TXNRD1: variants seen among roughly 807,000 people sequenced by gnomAD.
The protein encoded by TXNRD1 is thioredoxin reductase 1, also known as thioredoxin reductase 1, cytoplasmic.
In TXNRD1, 57 loss-of-function variants were observed where a neutral mutation model predicts 80.3. The ratio of observed to expected loss-of-function variants is 0.71; its 90% confidence interval spans 0.57 to 0.89. The LOEUF (loss-of-function observed/expected upper bound fraction) is 0.89, where lower values mean the gene tolerates loss of function less well. Among genes scored for constraint, TXNRD1 ranks in the 40% least tolerant of loss-of-function variants. The pLI, the probability that TXNRD1 is intolerant of heterozygous loss-of-function variation, is 0.00. For missense variants in TXNRD1, 730 were observed against 803.0 expected (o/e 0.91, Z 1.10); for synonymous variants, 291 against 285.2 (o/e 1.02, Z -0.20).
chr12:104,231,050 A>G (rs1028165367), intron 1 of TXNRD1, among the ~76,000 whole-genome samples: 4 of 152,158 alleles, frequency 2.6e-5, no homozygotes, highest in Admixed American at 6.5e-5. Context: ...TTGCATTTTC[A>G]TATCAAAGGT....
At chr12:104,313,410 C>G in intron 6 of TXNRD1, 93 bp downstream of exon 6, 2 of 972,398 alleles carry the variant, frequency 2.1e-6, no homozygotes, top group South Asian at 1.7e-5. Context: ...TTAAAAAAAT[C>G]AAAAACTAAG....
intron 11 of TXNRD1, 106 bp from the exon 12 acceptor site, chr12:104,326,241 T>A (rs2035757661): frequency 8.1e-6 from 6 of 740,240 alleles, no homozygotes; most frequent in African/African-American, 1.8e-5. Context: ...ATTTCCAAGT[T>A]TGAAAAATGA....
rs1385874925 is a variant in TXNRD1, at chr12:104,215,789, G to A, written c.-14G>A. ...TCCTTCGGCTCCGTCAGTTCCCACA[G>A]GGCCTTGTGCGACATGGGCTGCGCC... On this transcript the variant is annotated 5_prime_UTR_variant, in exon 1 of 17. Coordinates refer to ENST00000525566, the MANE Select transcript of TXNRD1 (RefSeq NM_001093771.3). 1 of 1,552,434 alleles carries A rather than the reference G, an allele frequency of 6.4e-7. No individual in the cohort carries two copies.
At chr12:104,306,143 A>G (rs2034907003) in intron 4 of TXNRD1, among the ~76,000 whole-genome samples, 2 of 152,120 alleles carry the variant, frequency 1.3e-5, no homozygotes, top group South Asian at 4.1e-4. Context: ...GCCCCAAGTG[A>G]TCCACCCGCC....
At chr12:104,337,381 G>A (rs1299617224) in intron 15 of TXNRD1, among the ~76,000 whole-genome samples, 2 of 151,980 alleles carry the variant, frequency 1.3e-5, no homozygotes, top group Admixed American at 6.6e-5. Flanking sequence ...CTGTTATGAC[G>A]AGATTGCACT....
intron 3 of TXNRD1, chr12:104,286,603 A>T (rs1456943854): frequency 8.6e-4 from 417 of 485,252 alleles, no homozygotes; most frequent in African/African-American, 8.2e-3. Flanking sequence ...TTTTTTTTTT[A>T]AACGCAGAGG....
At chr12:104,217,387 C>T (rs2032240767) in intron 1 of TXNRD1, among the ~76,000 whole-genome samples, 1 of 150,688 alleles carries the variant, frequency 6.6e-6, no homozygotes, top group Non-Finnish European at 1.5e-5. Flanking sequence ...CTTGGCTCAC[C>T]TCAGCCTCCA....
At chr12:104,288,151 C>A (rs2034038739) in intron 3 of TXNRD1, among the ~76,000 whole-genome samples, 1 of 152,054 alleles carries the variant, frequency 6.6e-6, no homozygotes, top group Non-Finnish European at 1.5e-5. Context: ...CCACCGCGCC[C>A]GACTAATTTT....
At chr12:104,290,223 T>G (rs551338488) in intron 4 of TXNRD1, among the ~76,000 whole-genome samples, 18 of 152,362 alleles carry the variant, frequency 1.2e-4, no homozygotes, top group African/African-American at 4.3e-4. Flanking sequence ...ACCTTTTCTT[T>G]TAAAAGTATT....
chr12:104,339,720 C>T (rs1319001791), intron 16 of TXNRD1, among the ~76,000 whole-genome samples: 2 of 152,124 alleles, frequency 1.3e-5, no homozygotes, highest in Admixed American at 6.5e-5. Flanking sequence ...CCAATCTAGG[C>T]CTCTGGGTGT....
At chr12:104,256,972 TTTTC>T (rs1331253672) in intron 2 of TXNRD1, among the ~76,000 whole-genome samples, 1 of 130,952 alleles carries the variant, frequency 7.6e-6, no homozygotes, top group Non-Finnish European at 1.7e-5. Flanking sequence ...ATATATTTTC[TTTTC>T]TTTTTTTTTT....
In TXNRD1 at chr12:104,313,352, C is replaced by T. The variant is rs181415484; in HGVS notation, c.610+35C>T. The stretch of plus-strand genomic sequence containing the variant: ...TAAGATACTCTAGAAGTGATGTTGC[C>T]GAAGTAGTTTTCCCCTGGCAATAAT... On this transcript the variant is annotated intron_variant, in intron 6 of 16. Coordinates refer to ENST00000525566, the MANE Select transcript of TXNRD1 (RefSeq NM_001093771.3). The T allele has an allele frequency of 4.8e-5, 71 of 1,491,390 alleles. No homozygotes were observed. The African/African-American group carries it at 5.6e-4, about 12-fold the overall frequency. 92.4% of individuals were successfully genotyped at this position (1,491,390 alleles called of 1,614,324 possible).
intron 1 of TXNRD1, among the ~76,000 whole-genome samples, chr12:104,224,362 T>C (rs2135676454): frequency 6.6e-6 from 1 of 152,136 alleles, no homozygotes; most frequent in Middle Eastern, 3.4e-3. Flanking sequence ...TAGACTGGGC[T>C]CCTGGGGGTA....
At chr12:104,296,696 C>T (rs905973952) in intron 4 of TXNRD1, among the ~76,000 whole-genome samples, 1 of 152,152 alleles carries the variant, frequency 6.6e-6, no homozygotes. Context: ...GTGGTAGGGC[C>T]AGAAGAGACT....
At chr12:104,268,013 C>T (rs2033571731) in intron 3 of TXNRD1, among the ~76,000 whole-genome samples, 1 of 151,238 alleles carries the variant, frequency 6.6e-6, no homozygotes, top group Non-Finnish European at 1.5e-5. Flanking sequence ...CCACGCCAGG[C>T]TAATTTTTTA....
intron 3 of TXNRD1, chr12:104,265,327 C>T (rs988502151): frequency 5.6e-6 from 9 of 1,609,218 alleles, no homozygotes; most frequent in Non-Finnish European, 6.8e-6. Context: ...CTCGGGCACG[C>T]TACGAGAGTA....
chr12:104,227,415 C>T (rs7297296), intron 1 of TXNRD1, among the ~76,000 whole-genome samples: 99,782 of 151,692 alleles, frequency 0.66, 33,339 homozygotes, highest in Non-Finnish European at 0.72. Context: ...GTGAGTGGTA[C>T]CATGCCTGGC....
intron 15 of TXNRD1, among the ~76,000 whole-genome samples, chr12:104,336,954 G>T (rs545919173): frequency 6.7e-6 from 1 of 148,304 alleles, no homozygotes; most frequent in Admixed American, 6.6e-5. Flanking sequence ...TTATGCCTAT[G>T]CAGTCTTCTG....
chr12:104,249,996 T>A (rs894150086), intron 1 of TXNRD1, among the ~76,000 whole-genome samples: 1 of 150,630 alleles, frequency 6.6e-6, no homozygotes, highest in African/African-American at 2.4e-5. Flanking sequence ...ATAATAATGA[T>A]TAATAATAAA....
Sources: gnomAD v4.1 joint callset for allele counts (sites outside exome capture counted in the v4.1 genomes callset) on GRCh38, gnomAD v4.1.1 for gene constraint, MANE v1.5 for transcripts, NCBI Gene and HGNC (gene_info 2026-07-23, HGNC 2026-07-21) for gene names.